The following TSHZ2 variants were observed in gnomAD, a reference collection of about 807,000 sequenced individuals.
The protein encoded by TSHZ2 is teashirt zinc finger homeobox 2.
A neutral mutation model predicts 74.4 loss-of-function variants in TSHZ2; 21 were observed. The ratio of observed to expected loss-of-function variants is 0.28; its 90% confidence interval spans 0.20 to 0.41. The LOEUF (loss-of-function observed/expected upper bound fraction) is 0.41. TSHZ2 is among the 10% of genes least tolerant of loss of function. The pLI is 1.00. For missense variants in TSHZ2, 1,244 were observed against 1,293.5 expected, an observed-to-expected ratio of 0.96 and a Z score of 0.59; for synonymous variants, 540 against 515.3, an observed-to-expected ratio of 1.05 and a Z score of -0.65.
At chr20:53,179,003 A>AT (rs113968237) in intron 1 of TSHZ2, 7 of 152,262 alleles carry the variant, frequency 4.6e-5, no homozygotes, top group African/African-American at 7.2e-5. Flanking sequence ...TTTTAGTGTG[A>AT]TTTTTTTAAA....
At chr20:53,043,546 T>TA (rs550659829) in intron 1 of TSHZ2, among the ~76,000 whole-genome samples, 141 of 149,984 alleles carry the variant, frequency 9.4e-4, no homozygotes, top group African/African-American at 2.9e-3. Flanking sequence ...ATCTTGCACT[T>TA]AAAAAAAAAA....
Position 53,278,231 on chromosome 20 carries a change from T to A in TSHZ2, c.*8+21660T>A, listed in dbSNP as rs969430862. ...CAGTTGTTGTCTGTAAAAGCCCAGA[T>A]AGATAGCTGGAGCTTGGCCTAAGCC... On this transcript the variant is annotated intron_variant, in intron 2 of 2. Transcript: ENST00000371497. Among the ~76,000 whole-genome samples, 9 of 152,240 alleles carry A rather than the reference T, an allele frequency of 5.9e-5. No homozygotes were observed. In the East Asian group the frequency reaches 1.7e-3, roughly 29 times the overall value.
At chr20:53,412,778 C>G (rs1983098743) in intron 2 of TSHZ2, 3 of 152,398 alleles carry the variant, frequency 2.0e-5, no homozygotes, top group Admixed American at 2.0e-4. Flanking sequence ...AATCACTCCC[C>G]ACTCCTTCCC....
At chr20:53,439,273 C>A (rs931968031) in intron 2 of TSHZ2, among the ~76,000 whole-genome samples, 4 of 152,146 alleles carry the variant, frequency 2.6e-5, no homozygotes, top group African/African-American at 9.7e-5. Flanking sequence ...CCAGACATCA[C>A]AAATCCTTCC....
intron 2 of TSHZ2, among the ~76,000 whole-genome samples, chr20:53,317,071 C>A (rs189456180): frequency 5.3e-4 from 81 of 152,204 alleles, no homozygotes; most frequent in African/African-American, 1.9e-3. Flanking sequence ...TGTGAGAAAG[C>A]AGTGTGGTGT....
chr20:53,216,430 T>C (rs985644098), intron 1 of TSHZ2, among the ~76,000 whole-genome samples: 1 of 152,100 alleles, frequency 6.6e-6, no homozygotes, highest in South Asian at 2.1e-4. Flanking sequence ...CAAGGAAAAA[T>C]AGGCCACAGC....
intron 1 of TSHZ2, among the ~76,000 whole-genome samples, chr20:53,246,527 T>C (rs1350945385): frequency 1.3e-5 from 2 of 152,170 alleles, no homozygotes; most frequent in Non-Finnish European, 2.9e-5. Context: ...GTGTGACCTT[T>C]TCATGACCTC....
intron 2 of TSHZ2, among the ~76,000 whole-genome samples, chr20:53,354,025 T>C (rs931714294): frequency 6.6e-6 from 1 of 152,142 alleles, no homozygotes; most frequent in Non-Finnish European, 1.5e-5. Context: ...TGACTGACCA[T>C]AATGGAAGGA....
intron 2 of TSHZ2, among the ~76,000 whole-genome samples, chr20:53,480,954 T>G (rs147393891): frequency 1.6e-4 from 25 of 152,294 alleles, no homozygotes; most frequent in African/African-American, 6.0e-4. Flanking sequence ...ACAAACTACT[T>G]AATGAACACT....
At chr20:53,140,316 A>G (rs1436358459) in intron 1 of TSHZ2, among the ~76,000 whole-genome samples, 2 of 151,858 alleles carry the variant, frequency 1.3e-5, no homozygotes, top group African/African-American at 2.4e-5. Context: ...TGAGGCGGGC[A>G]GATCACGAGG....
chr20:53,003,140 A>T (rs945166606), intron 1 of TSHZ2, among the ~76,000 whole-genome samples: 1 of 152,214 alleles, frequency 6.6e-6, no homozygotes, highest in African/African-American at 2.4e-5. Flanking sequence ...AAGCACTTCC[A>T]GTATGAAATT....
intron 2 of TSHZ2, among the ~76,000 whole-genome samples, chr20:53,354,976 G>C (rs1371538778): frequency 6.6e-6 from 1 of 152,086 alleles, no homozygotes; most frequent in East Asian, 1.9e-4. Context: ...ATTGGGCAAG[G>C]GGGTTGGAAG....
chr20:52,973,390 C>T (rs1405171621), intron 1 of TSHZ2, 57 bp downstream of exon 1: 2 of 1,545,244 alleles, frequency 1.3e-6, no homozygotes, highest in Admixed American at 4.0e-5. Flanking sequence ...CTCGCCCGCC[C>T]TCCTTGCCCC....
chr20:53,252,252 C>T (rs149530856), intron 1 of TSHZ2, among the ~76,000 whole-genome samples: 11 of 152,334 alleles, frequency 7.2e-5, no homozygotes, highest in Non-Finnish European at 8.8e-5. Context: ...GGACCTCCAG[C>T]GCATGACCAC....
chr20:53,003,910 T>C (rs1982537086), intron 1 of TSHZ2, among the ~76,000 whole-genome samples: 1 of 151,910 alleles, frequency 6.6e-6, no homozygotes, highest in Non-Finnish European at 1.5e-5. Context: ...TTTTTTTTAA[T>C]TATTTCTTTC....
chr20:53,063,637 TAAGTGAATAGAA>T (rs1984887538), intron 1 of TSHZ2, among the ~76,000 whole-genome samples: 1 of 152,218 alleles, frequency 6.6e-6, no homozygotes, highest in African/African-American at 2.4e-5. Context: ...AAGTGAATTG[TAAGTGAATAGAA>T]AATGTGTGTT....
At chr20:53,324,034 C>T (rs1979393193) in intron 2 of TSHZ2, among the ~76,000 whole-genome samples, 1 of 152,192 alleles carries the variant, frequency 6.6e-6, no homozygotes, top group Admixed American at 6.5e-5. Context: ...GTACACAGAG[C>T]TGCAGGGGAA....
chr20:53,410,181 A>C (rs1217273907), intron 2 of TSHZ2, among the ~76,000 whole-genome samples: 2 of 152,140 alleles, frequency 1.3e-5, no homozygotes, highest in Non-Finnish European at 2.9e-5. Context: ...TCTGAGAATC[A>C]GAGGGCGCAT....
chr20:53,121,938 T>G (rs1986821109), intron 1 of TSHZ2, among the ~76,000 whole-genome samples: 1 of 152,192 alleles, frequency 6.6e-6, no homozygotes, highest in South Asian at 2.1e-4. Context: ...TCATCTACAT[T>G]AGCTGCAAAT....
Sources: gnomAD v4.1 joint callset for allele counts (sites outside exome capture counted in the v4.1 genomes callset) on GRCh38, gnomAD v4.1.1 for gene constraint, MANE v1.5 for transcripts, NCBI Gene and HGNC (gene_info 2026-07-23, HGNC 2026-07-21) for gene names.